PAPPA2: variants seen among roughly 807,000 people sequenced by gnomAD.
PAPPA2 encodes the protein pappalysin 2.
In PAPPA2, 86 loss-of-function variants were observed where a neutral mutation model predicts 176.4. The observed-to-expected ratio is 0.49, with a 90% confidence interval of 0.41 to 0.58. PAPPA2 has a LOEUF of 0.58. Among genes scored for constraint, PAPPA2 ranks in the 20% least tolerant of loss-of-function variants. The probability of loss-of-function intolerance (pLI) is 0.00; values close to 1 mark genes in which losing one functional copy is unlikely to be tolerated. For synonymous variants in PAPPA2, 809 were observed against 852.2 expected (o/e 0.95, Z 0.88); for missense variants, 2,073 against 2,256.9 (o/e 0.92, Z 1.65).
At chr1:176,493,444 G>T (rs1400367780) in intron 1 of PAPPA2, among the ~76,000 whole-genome samples, 1 of 152,192 alleles carries the variant, frequency 6.6e-6, no homozygotes, top group South Asian at 2.1e-4. Context: ...TATTGCTCCT[G>T]AAGCTATTGA....
chr1:176,690,473 G>A, intron 5 of PAPPA2, 43 bp downstream of exon 5: 1 of 1,592,172 alleles, frequency 6.3e-7, no homozygotes, highest in Non-Finnish European at 8.6e-7. Context: ...AGAATACATG[G>A]GGGCCTTTGA....
intron 14 of PAPPA2, among the ~76,000 whole-genome samples, chr1:176,757,553 T>G (rs1663487803): frequency 6.6e-6 from 1 of 152,228 alleles, no homozygotes; most frequent in Non-Finnish European, 1.5e-5. Context: ...TTGATGGGCT[T>G]GTTTTTTTCT....
chr1:176,650,077 GTGT>G (rs1657628628), intron 3 of PAPPA2, among the ~76,000 whole-genome samples: 1 of 151,542 alleles, frequency 6.6e-6, no homozygotes, highest in Admixed American at 6.6e-5. Context: ...GGGAGCTCCA[GTGT>G]TTGGTGCATA....
chr1:176,650,178 T>G (rs972240842), intron 3 of PAPPA2, among the ~76,000 whole-genome samples: 1 of 151,490 alleles, frequency 6.6e-6, no homozygotes, highest in African/African-American at 2.4e-5. Flanking sequence ...CAGTCTTTGA[T>G]TTGTAGTATA....
intron 1 of PAPPA2, among the ~76,000 whole-genome samples, chr1:176,479,373 TA>T (rs34359634): frequency 6.6e-6 from 1 of 151,898 alleles, no homozygotes; most frequent in African/African-American, 2.4e-5. Flanking sequence ...ACCAGATCAT[TA>T]AAAAAAGGCA....
intron 3 of PAPPA2, among the ~76,000 whole-genome samples, chr1:176,602,111 A>G (rs939043684): frequency 6.6e-6 from 1 of 152,190 alleles, no homozygotes; most frequent in South Asian, 2.1e-4. Flanking sequence ...AAATGGGGAT[A>G]CTGCATATTT....
chr1:176,482,401 C>T (rs1235062124), intron 1 of PAPPA2, among the ~76,000 whole-genome samples: 9 of 152,126 alleles, frequency 5.9e-5, no homozygotes, highest in Admixed American at 5.2e-4. Flanking sequence ...ATACTTTGGG[C>T]GAGTCACTAA....
chr1:176,824,301 C>T (rs752939587), intron 21 of PAPPA2, among the ~76,000 whole-genome samples: 1 of 152,214 alleles, frequency 6.6e-6, no homozygotes, highest in Non-Finnish European at 1.5e-5. Flanking sequence ...GGTTAACCAG[C>T]TTCTAGTTGG....
chr1:176,675,825 C>T (rs180770942), intron 4 of PAPPA2, among the ~76,000 whole-genome samples: 7 of 152,052 alleles, frequency 4.6e-5, no homozygotes, highest in Admixed American at 1.3e-4. Context: ...TTACAAAACA[C>T]GAATCTGGCA....
At chr1:176,636,940 A>T (rs888306365) in intron 3 of PAPPA2, among the ~76,000 whole-genome samples, 2 of 152,166 alleles carry the variant, frequency 1.3e-5, no homozygotes, top group African/African-American at 4.8e-5. Flanking sequence ...AATGTAAAAT[A>T]TGATTTTGTG....
intron 3 of PAPPA2, among the ~76,000 whole-genome samples, chr1:176,648,346 G>T (rs1446389289): frequency 6.6e-6 from 1 of 151,384 alleles, no homozygotes; most frequent in Non-Finnish European, 1.5e-5. Flanking sequence ...GGAGTCTTTT[G>T]GTTCTGCTAA....
intron 1 of PAPPA2, among the ~76,000 whole-genome samples, chr1:176,495,121 G>A (rs1647525087): frequency 6.6e-6 from 1 of 152,090 alleles, no homozygotes; most frequent in African/African-American, 2.4e-5. Flanking sequence ...ATTTTTGTAA[G>A]GCAAGAGATG....
chr1:176,533,753 C>T (rs567646232), intron 1 of PAPPA2, among the ~76,000 whole-genome samples: 2 of 152,320 alleles, frequency 1.3e-5, no homozygotes, highest in East Asian at 3.9e-4. Flanking sequence ...GAATGGCCCT[C>T]GATTCAGCAA....
Position 176,576,644 on chromosome 1 carries a change from T to C in PAPPA2, c.920-17880T>C, listed in dbSNP as rs1426542753. Among the ~76,000 whole-genome samples, 11 of 152,168 alleles carry C rather than the reference T, an allele frequency of 7.2e-5. 1 individual carries two copies. The highest frequency in any genetic ancestry group is 1.6e-4 in the Non-Finnish European group (11 of 68,010). On this transcript the variant is annotated intron_variant, in intron 2 of 22. Transcript: ENST00000367662. ...TCAGGAAACAGATTGTGGTCTGCCC[T>C]GATTTGGAGTCCTGCTCCTCAGTGT...
chr1:176,696,271 C>T (rs1480339418), intron 7 of PAPPA2, among the ~76,000 whole-genome samples: 4 of 137,428 alleles, frequency 2.9e-5, no homozygotes, highest in Non-Finnish European at 6.0e-5. Context: ...GGAAACACAC[C>T]GCAGAGAACA....
intron 7 of PAPPA2, among the ~76,000 whole-genome samples, chr1:176,698,055 T>C (rs1660467991): frequency 6.6e-6 from 1 of 152,186 alleles, no homozygotes; most frequent in Admixed American, 6.5e-5. Flanking sequence ...ATTTCCTGCC[T>C]GCAGTTTTTC....
At chr1:176,691,002 G>T in intron 5 of PAPPA2, 5 of 984,926 alleles carry the variant, frequency 5.1e-6, no homozygotes, top group South Asian at 4.7e-5. Context: ...CCCACCAAAA[G>T]GTGACATCTA....
chr1:176,826,322 A>G (rs1482986001), intron 21 of PAPPA2, among the ~76,000 whole-genome samples: 1 of 152,250 alleles, frequency 6.6e-6, no homozygotes, highest in Non-Finnish European at 1.5e-5. Flanking sequence ...AGATATGCCA[A>G]TGAACTCTGC....
chr1:176,657,097 C>T (rs1363773573), intron 3 of PAPPA2, among the ~76,000 whole-genome samples: 1 of 151,748 alleles, frequency 6.6e-6, no homozygotes, highest in African/African-American at 2.4e-5. Flanking sequence ...CAAGAAGCAG[C>T]ACTCTGCCAG....
Sources: gnomAD v4.1 joint callset for allele counts (sites outside exome capture counted in the v4.1 genomes callset) on GRCh38, gnomAD v4.1.1 for gene constraint, MANE v1.5 for transcripts, NCBI Gene and HGNC (gene_info 2026-07-23, HGNC 2026-07-21) for gene names.